Variants in PPP4R4 observed in about 807,000 individuals in gnomAD.
PPP4R4 encodes the protein serine/threonine-protein phosphatase 4 regulatory subunit 4.
In PPP4R4, 70 loss-of-function variants were observed where a neutral mutation model predicts 121.8. The observed-to-expected ratio is 0.57, with a 90% CI of 0.47 to 0.70. PPP4R4 has a LOEUF of 0.70. PPP4R4 is among the 30% of genes least tolerant of loss of function. The pLI, the probability that PPP4R4 is intolerant of heterozygous loss-of-function variation, is 0.00. For synonymous variants in PPP4R4, 348 were observed against 355.7 expected (o/e 0.98, Z 0.24); for missense variants, 875 against 1,033.6 (o/e 0.85, Z 2.10).
intron 2 of PPP4R4, among the ~76,000 whole-genome samples, chr14:94,181,468 A>T (rs746989358): frequency 6.6e-6 from 1 of 152,234 alleles, no homozygotes; most frequent in Non-Finnish European, 1.5e-5. Context: ...CATATTTTCA[A>T]CATCAAATTT....
chr14:94,230,802 A>G (rs886804772), intron 4 of PPP4R4, 68 bp downstream of exon 4: 4 of 1,475,178 alleles, frequency 2.7e-6, no homozygotes, highest in East Asian at 2.3e-5. Flanking sequence ...ATGATATTAT[A>G]TAAATACTGT....
intron 16 of PPP4R4, among the ~76,000 whole-genome samples, chr14:94,255,061 C>A (rs550711181): frequency 1.3e-5 from 2 of 152,270 alleles, no homozygotes; most frequent in African/African-American, 2.4e-5. Context: ...TGACATCTAC[C>A]CTGGACAGCC....
chr14:94,246,085 G>A (rs1566686742), intron 13 of PPP4R4, among the ~76,000 whole-genome samples: 1 of 152,126 alleles, frequency 6.6e-6, no homozygotes, highest in Admixed American at 6.6e-5. Flanking sequence ...TACTGTAGTT[G>A]GAAGAGTTGC....
chr14:94,265,663 C>T (rs1894008880), intron 21 of PPP4R4, 131 bp from the exon 22 acceptor site: 4 of 817,842 alleles, frequency 4.9e-6, no homozygotes, highest in Non-Finnish European at 7.8e-6. Flanking sequence ...CTTCAGTGAG[C>T]TCAAATTAAG....
intron 23 of PPP4R4, among the ~76,000 whole-genome samples, chr14:94,271,091 A>G (rs1894302167): frequency 6.6e-6 from 1 of 152,176 alleles, no homozygotes; most frequent in African/African-American, 2.4e-5. Context: ...AATTCTACCA[A>G]ATATTTGAGG....
At chr14:94,208,742 T>G (rs1890591532) in intron 3 of PPP4R4, among the ~76,000 whole-genome samples, 176 bp downstream of exon 3, 1 of 152,052 alleles carries the variant, frequency 6.6e-6, no homozygotes, top group African/African-American at 2.4e-5. Context: ...AATTAGCTGA[T>G]GGAAATGGAG....
intron 14 of PPP4R4, among the ~76,000 whole-genome samples, chr14:94,249,167 G>T (rs1232823007): frequency 1.3e-5 from 2 of 151,958 alleles, no homozygotes; most frequent in Non-Finnish European, 2.9e-5. Flanking sequence ...TAAAATGAAA[G>T]AAAAGAATAA....
chr14:94,246,460 C>T lies in PPP4R4; in HGVS notation c.1532C>T (p.Ala511Val), dbSNP rs1429493851. ...RTHEKLLQKYACLPHVISSDQ... is the reference protein window; with the variant it reads ...RTHEKLLQKYVCLPHVISSDQ... ...CATGAGAAGCTACTTCAGAAATATG[C>T]CTGCCTGCCACATGTCATATCAAGC... The change falls in exon 14 of 25, where the codon GCC (alanine) becomes GTC (valine). Residue 511 changes from alanine to valine, a missense_variant. Ala to Val is a moderately conservative substitution (Grantham distance 64, BLOSUM62 0). Transcript: ENST00000304338. 1 of 1,613,882 alleles carries T rather than the reference C, an allele frequency of 6.2e-7. No homozygotes were observed. The highest frequency in any genetic ancestry group is 2.2e-5 in the East Asian group (1 of 44,882).
chr14:94,246,389 C>T lies in PPP4R4; in HGVS notation c.1461C>T (p.Leu487=). 1.2e-6 allele frequency: 2 copies of T among 1,611,072 alleles called. No homozygotes were observed. Among genetic ancestry groups the T allele is most frequent in the Non-Finnish European group, 1.7e-6 (2 of 1,179,198 alleles). ...LSSLPDLIPA[L]TAAEQRAAAS... The stretch of plus-strand genomic sequence containing the variant: ...CTCTGCCTGACTTGATTCCAGCACT[C>T]ACAGCTGCTGAACAGCGAGCTGCAG... Residue 487 remains leucine, a synonymous_variant, in exon 14 of 25, where the codon CTC becomes CTT. Transcript: ENST00000304338.
At chr14:94,256,183 A>G (rs576849200) in intron 16 of PPP4R4, among the ~76,000 whole-genome samples, 1 of 152,114 alleles carries the variant, frequency 6.6e-6, no homozygotes, top group Non-Finnish European at 1.5e-5. Context: ...TCTCCATAGC[A>G]TTTAACACTA....
chr14:94,210,330 A>G (rs1595476459), intron 3 of PPP4R4, among the ~76,000 whole-genome samples: 1 of 152,048 alleles, frequency 6.6e-6, no homozygotes, highest in East Asian at 1.9e-4. Context: ...TATAAAGAAT[A>G]TTATACACTC....
chr14:94,275,948 A>G (rs189121092), intron 24 of PPP4R4, among the ~76,000 whole-genome samples: 1 of 152,354 alleles, frequency 6.6e-6, no homozygotes, highest in African/African-American at 2.4e-5. Flanking sequence ...TGTGAGTCCA[A>G]TAAACTGAAG....
intron 19 of PPP4R4, 103 bp downstream of exon 19, chr14:94,259,472 C>T: frequency 7.5e-6 from 10 of 1,334,088 alleles, no homozygotes; most frequent in Non-Finnish European, 9.7e-6. Flanking sequence ...TTTCACATTA[C>T]TCTTTTTTCT....
At chr14:94,234,884 A>G (rs528979588) in intron 7 of PPP4R4, among the ~76,000 whole-genome samples, 2 of 152,292 alleles carry the variant, frequency 1.3e-5, no homozygotes, top group South Asian at 4.1e-4. Context: ...AGACACCTAG[A>G]TTCAGGAAAG....
chr14:94,243,085 T>C (rs1184460274), intron 11 of PPP4R4, among the ~76,000 whole-genome samples: 4 of 152,136 alleles, frequency 2.6e-5, no homozygotes, highest in Non-Finnish European at 5.9e-5. Context: ...TTCACCCCCT[T>C]CCTTGCACTG....
rs754282646 is a variant in PPP4R4, at chr14:94,208,520, G to A, written c.248G>A (p.Arg83Gln). Reference protein sequence around the residue: ...SVIANLPFLMRQNPTETLRRV... With the variant: ...SVIANLPFLMQQNPTETLRRV... ...ATTGCAAATCTCCCATTTTTGATGC[G>A]ACAGAATCCCACTGAGACGCTTCGG... Residue 83 changes from arginine to glutamine, a missense_variant, in exon 3 of 25, where the codon CGA (arginine) becomes CAA (glutamine). Coordinates refer to ENST00000304338, the MANE Select transcript of PPP4R4 (RefSeq NM_058237.2). 25 of 1,611,748 alleles carry A rather than the reference G, an allele frequency of 1.6e-5. 1 individual carries two copies. The South Asian group carries it at 1.9e-4, about 12-fold the overall frequency.
At chr14:94,204,414 G>A (rs1595470258) in intron 2 of PPP4R4, among the ~76,000 whole-genome samples, 1 of 151,926 alleles carries the variant, frequency 6.6e-6, no homozygotes, top group Admixed American at 6.6e-5. Context: ...CTATTTCTGG[G>A]TTCTCTCTTC....
chr14:94,190,062 T>C (rs1889511976), intron 2 of PPP4R4, among the ~76,000 whole-genome samples: 1 of 151,706 alleles, frequency 6.6e-6, no homozygotes, highest in Admixed American at 6.6e-5. Flanking sequence ...TTTTTTTTTT[T>C]TGAGATAGGG....
intron 11 of PPP4R4, among the ~76,000 whole-genome samples, chr14:94,242,678 A>G (rs1316652689): frequency 1.3e-5 from 2 of 152,180 alleles, no homozygotes; most frequent in East Asian, 3.8e-4. Context: ...ATTGTGGTAG[A>G]TATGGGTGAT....
Sources: gnomAD v4.1 joint callset for allele counts (sites outside exome capture counted in the v4.1 genomes callset) on GRCh38, gnomAD v4.1.1 for gene constraint, MANE v1.5 for transcripts, NCBI Gene and HGNC (gene_info 2026-07-23, HGNC 2026-07-21) for gene names.